TMEM167A: variants seen among roughly 807,000 people sequenced by gnomAD.
TMEM167A encodes protein kish-A.
Under a neutral mutation model 11.6 loss-of-function variants are expected in TMEM167A, and 8 were observed. That is an observed-to-expected ratio of 0.69 (90% confidence interval 0.40 to 1.24). The LOEUF is 1.24. TMEM167A is among the 50% of genes most tolerant of loss of function. The probability of loss-of-function intolerance (pLI) is 0.01; values close to 1 mark genes in which losing one functional copy is unlikely to be tolerated. For missense variants in TMEM167A, 62 were observed against 87.0 expected (o/e 0.71, Z 1.14); for synonymous variants, 22 against 28.0 (o/e 0.79, Z 0.67).
intron 1 of TMEM167A, among the ~76,000 whole-genome samples, chr5:83,075,947 G>A (rs1744646233): frequency 6.6e-6 from 1 of 152,078 alleles, no homozygotes; most frequent in Non-Finnish European, 1.5e-5. Context: ...CAAGCTCACA[G>A]GAATAAAAAA....
chr5:83,056,857 G>T lies in TMEM167A; in HGVS notation c.*227C>A, dbSNP rs1744339585. The T allele has an allele frequency of 1.8e-6, 1 of 556,156 alleles. No individual in the cohort carries two copies. Among genetic ancestry groups the T allele is most frequent in the Non-Finnish European group, 3.2e-6 (1 of 313,916 alleles). The allele number at this position is 556,156 out of a possible 1,614,324, so 34.5% of individuals were successfully genotyped here. A position where few individuals can be genotyped will look rare whatever the true frequency, so the allele number is the denominator to read the frequency against. On this transcript the variant is annotated 3_prime_UTR_variant, in exon 4 of 4. Transcript: ENST00000502346. ...AATAACATTTGCAGAATGTAATATT[G>T]TAGTGACAGTACTGAGGTTGATTGT...
At chr5:83,072,752 G>A (rs1025650530) in intron 1 of TMEM167A, among the ~76,000 whole-genome samples, 2 of 151,998 alleles carry the variant, frequency 1.3e-5, no homozygotes, top group Non-Finnish European at 2.9e-5. Context: ...GGCTAGTCTC[G>A]AATGCCTGCC....
In TMEM167A at chr5:83,065,125, G is replaced by C. The variant is rs757273127; in HGVS notation, c.4-8C>G. On this transcript the variant is annotated splice_region_variant and splice_polypyrimidine_tract_variant and intron_variant, in intron 1 of 3. Coordinates refer to ENST00000502346, the MANE Select transcript of TMEM167A (RefSeq NM_174909.5). ...AAAATTGAAAATGGCAGACTAAAAA[G>C]AAAAAAAAAAAAGAAAAATTAATAT... is the stretch of plus-strand genomic sequence containing the variant. The C allele has an allele frequency of 9.3e-6, 10 of 1,072,764 alleles. No individual in the cohort carries two copies. The highest frequency in any genetic ancestry group is 1.9e-5 in the African/African-American group (1 of 53,574). The allele number at this position is 1,072,764 out of a possible 1,614,324, so 66.5% of individuals were successfully genotyped here.
intron 1 of TMEM167A, among the ~76,000 whole-genome samples, chr5:83,070,173 G>C (rs1339173529): frequency 6.6e-6 from 1 of 152,078 alleles, no homozygotes; most frequent in Non-Finnish European, 1.5e-5. Context: ...TTGCACACTG[G>C]AAAGTGTGTG....
Position 83,055,861 on chromosome 5 carries a change from A to G in TMEM167A, c.*1223T>C, listed in dbSNP as rs1030290034. The G allele has an allele frequency of 1.1e-4, 16 of 152,028 alleles. No individual in the cohort carries two copies. The highest frequency in any genetic ancestry group is 3.9e-4 in the African/African-American group (16 of 41,436). 9.4% of individuals were successfully genotyped at this position (152,028 alleles called of 1,614,324 possible). ...CATTTTATCTTTATGATGAATTAAT[A>G]GCTGCAAACAATCTAATTAATACTA... On this transcript the variant is annotated 3_prime_UTR_variant, in exon 4 of 4. Coordinates refer to ENST00000502346, the MANE Select transcript of TMEM167A (RefSeq NM_174909.5).
In TMEM167A at chr5:83,055,786, C is replaced by T. The variant is rs1580171692; in HGVS notation, c.*1298G>A. On this transcript the variant is annotated 3_prime_UTR_variant, in exon 4 of 4. Transcript: ENST00000502346. ...TGTTTCTGCAGAAATAACTACTAGC[C>T]TATTAATCTAGAAATAATTTTTTTT... 1 of 113,194 alleles carries T rather than the reference C, an allele frequency of 8.8e-6. No homozygotes were observed. The highest frequency in any genetic ancestry group is 3.7e-5 in the African/African-American group (1 of 26,688). The allele number at this position is 113,194 out of a possible 1,614,324, so 7.0% of individuals were successfully genotyped here.
chr5:83,068,455 G>A (rs530769273), intron 1 of TMEM167A, among the ~76,000 whole-genome samples: 8 of 152,276 alleles, frequency 5.3e-5, no homozygotes, highest in African/African-American at 1.7e-4. Context: ...GTAATCAAGT[G>A]AAAACAGAGC....
chr5:83,058,791 A>G (rs1313139194), intron 3 of TMEM167A, among the ~76,000 whole-genome samples: 1 of 152,114 alleles, frequency 6.6e-6, no homozygotes, highest in East Asian at 1.9e-4. Flanking sequence ...ATTTTCTTAA[A>G]AGAGACTGCC....
Position 83,077,392 on chromosome 5 carries a change from T to C in TMEM167A, c.-69A>G. On this transcript the variant is annotated 5_prime_UTR_variant, in exon 1 of 4. Coordinates refer to ENST00000502346, the MANE Select transcript of TMEM167A (RefSeq NM_174909.5). ...CAGGCGGAAGAGGCTGCATGTCCCG[T>C]CTGCCCTTCTCGCCCTCTCCAGCCG... The C allele has an allele frequency of 6.2e-7, 1 of 1,611,946 alleles. No individual in the cohort carries two copies. Among genetic ancestry groups the C allele is most frequent in the Non-Finnish European group, 8.5e-7 (1 of 1,178,094 alleles).
Position 83,053,414 on chromosome 5 carries a change from A to AAGT in TMEM167A, c.*3669_*3670insACT, listed in dbSNP as rs1394000108. The AAGT allele has an allele frequency of 6.6e-6, 1 of 151,940 alleles. No homozygotes were observed. Among genetic ancestry groups the AAGT allele is most frequent in the African/African-American group, 2.4e-5 (1 of 41,414 alleles). 9.4% of individuals were successfully genotyped at this position (151,940 alleles called of 1,614,324 possible). A position where few individuals can be genotyped will look rare whatever the true frequency, so the allele number is the denominator to read the frequency against. The stretch of plus-strand genomic sequence containing the variant: ...AGTTTCTAAAAATACTGACCTAACT[A>AAGT]GTCAGTTGCCTCCACCTTATATACT... On this transcript the variant is annotated 3_prime_UTR_variant, in exon 4 of 4. Transcript: ENST00000502346.
intron 3 of TMEM167A, among the ~76,000 whole-genome samples, chr5:83,061,372 C>T (rs1308029120): frequency 6.6e-6 from 1 of 152,122 alleles, no homozygotes; most frequent in East Asian, 1.9e-4. Flanking sequence ...GAAAGATTTT[C>T]TGTCTCTGTG....
intron 2 of TMEM167A, 78 bp from the exon 3 acceptor site, chr5:83,061,989 G>T: frequency 8.5e-7 from 1 of 1,180,192 alleles, no homozygotes; most frequent in Non-Finnish European, 1.2e-6. Context: ...ATCATATAGG[G>T]AATTAATTGT....
At chr5:83,059,876 A>G (rs1329068664) in intron 3 of TMEM167A, among the ~76,000 whole-genome samples, 1 of 151,790 alleles carries the variant, frequency 6.6e-6, no homozygotes, top group Non-Finnish European at 1.5e-5. Flanking sequence ...TGACTATCAA[A>G]GCTGTCTCTC....
chr5:83,059,420 T>A (rs1432401177), intron 3 of TMEM167A, among the ~76,000 whole-genome samples: 3 of 150,950 alleles, frequency 2.0e-5, no homozygotes, highest in South Asian at 4.1e-4. Flanking sequence ...AAAACTGAGA[T>A]GAAAACGATG....
At chr5:83,067,627 C>T (rs1744502033) in intron 1 of TMEM167A, among the ~76,000 whole-genome samples, 1 of 151,894 alleles carries the variant, frequency 6.6e-6, no homozygotes, top group Non-Finnish European at 1.5e-5. Flanking sequence ...GCCTCAGTCT[C>T]CCCAGTAGCT....
intron 3 of TMEM167A, 93 bp downstream of exon 3, chr5:83,061,784 T>C: frequency 7.9e-7 from 1 of 1,261,148 alleles, no homozygotes; most frequent in Non-Finnish European, 1.1e-6. Context: ...GCCTGCCCTT[T>C]AAAAATTAAC....
At chr5:83,069,745 T>C (rs1282620020) in intron 1 of TMEM167A, among the ~76,000 whole-genome samples, 13 of 152,184 alleles carry the variant, frequency 8.5e-5, no homozygotes, top group South Asian at 8.3e-4. Context: ...ATTGAGGTTT[T>C]CATCAATCCC....
intron 1 of TMEM167A, among the ~76,000 whole-genome samples, chr5:83,070,386 C>T (rs191273063): frequency 6.6e-6 from 1 of 152,238 alleles, no homozygotes; most frequent in East Asian, 1.9e-4. Context: ...GCATTGTAGA[C>T]TTATCTGACA....
intron 1 of TMEM167A, among the ~76,000 whole-genome samples, chr5:83,074,279 G>C (rs761458577): frequency 4.8e-4 from 73 of 152,272 alleles, no homozygotes; most frequent in Non-Finnish European, 8.7e-4. Flanking sequence ...CTACGGGATA[G>C]AGATTGCTGT....
Sources: allele counts gnomAD v4.1 joint callset (sites outside exome capture counted in the v4.1 genomes callset), GRCh38; gene constraint gnomAD v4.1.1; transcripts MANE v1.5; gene names NCBI Gene and HGNC (gene_info 2026-07-23, HGNC 2026-07-21).